Variants in CTNNA3 observed in about 807,000 individuals in gnomAD.
The protein encoded by CTNNA3 is catenin alpha-3.
CTNNA3 carries 76 observed loss-of-function variants against 95.7 expected under a neutral mutation model. The ratio of observed to expected loss-of-function variants is 0.79; its 90% CI spans 0.66 to 0.96. The LOEUF is 0.96. Among genes scored for constraint, CTNNA3 ranks in the 40% least tolerant of loss-of-function variants. The pLI is 0.00. For synonymous variants in CTNNA3, 431 were observed against 374.4 expected (o/e 1.15, Z -1.74); for missense variants, 1,191 against 1,089.8 (o/e 1.09, Z -1.31).
intron 10 of CTNNA3, among the ~76,000 whole-genome samples, chr10:66,586,571 C>G (rs908228118): frequency 6.6e-6 from 1 of 152,132 alleles, no homozygotes; most frequent in Non-Finnish European, 1.5e-5. Context: ...TAAGTCTGAA[C>G]CTGTATGGCA....
intron 10 of CTNNA3, among the ~76,000 whole-genome samples, chr10:66,529,385 G>T (rs1464720056): frequency 6.6e-6 from 1 of 150,600 alleles, no homozygotes; most frequent in Non-Finnish European, 1.5e-5. Context: ...ACCCGCCTTG[G>T]CCTCGCAAAG....
At chr10:66,304,464 G>T (rs1809798074) in intron 12 of CTNNA3, among the ~76,000 whole-genome samples, 1 of 152,000 alleles carries the variant, frequency 6.6e-6, no homozygotes, top group South Asian at 2.1e-4. Context: ...GTACATAACA[G>T]AAGAAAGAGA....
chr10:67,408,033 C>T lies in CTNNA3; in HGVS notation c.579+113809G>A, dbSNP rs185199761. On this transcript the variant is annotated intron_variant, in intron 5 of 17. Transcript: ENST00000433211. Reference sequence around the variant, plus strand: ...AAAATACCTAGGAATAGAGCTAACACGGAAGTGAAGGACCTCTTCAAGGAG... The same window carrying T: ...AAAATACCTAGGAATAGAGCTAACATGGAAGTGAAGGACCTCTTCAAGGAG... Among the ~76,000 whole-genome samples the T allele has an allele frequency of 9.8e-4, 148 of 151,542 alleles. 1 individual carries two copies. The highest frequency in any genetic ancestry group is 3.2e-3 in the African/African-American group (131 of 41,394).
intron 7 of CTNNA3, among the ~76,000 whole-genome samples, chr10:67,160,581 G>A (rs1403374296): frequency 6.6e-6 from 1 of 151,564 alleles, no homozygotes; most frequent in African/African-American, 2.4e-5. Context: ...GGACCACAGG[G>A]GTGTGCCACC....
intron 12 of CTNNA3, among the ~76,000 whole-genome samples, chr10:66,353,587 T>C (rs906950413): frequency 6.6e-6 from 1 of 152,064 alleles, no homozygotes; most frequent in Non-Finnish European, 1.5e-5. Flanking sequence ...GAAAAGAACA[T>C]GGAAGTAAAC....
At chr10:66,601,696 C>T (rs551014779) in intron 10 of CTNNA3, among the ~76,000 whole-genome samples, 65 of 151,792 alleles carry the variant, frequency 4.3e-4, no homozygotes, top group African/African-American at 1.5e-3. Flanking sequence ...CAGAATATTG[C>T]TAACAAACGC....
intron 1 of CTNNA3, among the ~76,000 whole-genome samples, chr10:67,746,480 T>C (rs1364227406): frequency 2.0e-5 from 3 of 151,540 alleles, no homozygotes; most frequent in South Asian, 2.1e-4. Flanking sequence ...GAATCCTGCA[T>C]CATTAACCAA....
intron 12 of CTNNA3, among the ~76,000 whole-genome samples, chr10:66,305,812 T>C (rs1354961070): frequency 6.6e-6 from 1 of 152,206 alleles, no homozygotes; most frequent in Non-Finnish European, 1.5e-5. Context: ...CTTGTTACAA[T>C]GGTGGACACA....
At chr10:66,221,197 T>G (rs1255913904) in intron 13 of CTNNA3, among the ~76,000 whole-genome samples, 3 of 152,180 alleles carry the variant, frequency 2.0e-5, no homozygotes, top group Admixed American at 2.0e-4. Context: ...ATTAAATAAT[T>G]ACACCAGCTC....
At position 67,477,007 on chromosome 10, in the gene CTNNA3, G is replaced by T; in HGVS notation, c.579+44835C>A. Among the ~76,000 whole-genome samples, 3 of 151,386 alleles carry T rather than the reference G, an allele frequency of 2.0e-5. No individual in the cohort carries two copies. The South Asian group carries it at 6.3e-4, about 32-fold the overall frequency. On this transcript the variant is annotated intron_variant, in intron 5 of 17. Transcript: ENST00000433211. ...GGGCCCTCTCTGTCCCATGCCCAGC[G>T]ATACCTCCAGGCAGTCAGAGCACCT... is the stretch of plus-strand genomic sequence containing the variant.
At chr10:67,705,574 A>G (rs1841073158) in intron 1 of CTNNA3, among the ~76,000 whole-genome samples, 1 of 145,386 alleles carries the variant, frequency 6.9e-6, no homozygotes, top group Non-Finnish European at 1.5e-5. Context: ...TGGGAATTGA[A>G]CAATGAGAAC....
intron 12 of CTNNA3, among the ~76,000 whole-genome samples, chr10:66,304,036 C>T (rs954976208): frequency 1.4e-4 from 22 of 151,940 alleles, no homozygotes; most frequent in African/African-American, 3.9e-4. Flanking sequence ...GAAATATATA[C>T]AACCCATAGT....
At chr10:66,564,152 A>G (rs1842636322) in intron 10 of CTNNA3, among the ~76,000 whole-genome samples, 2 of 152,154 alleles carry the variant, frequency 1.3e-5, no homozygotes, top group Admixed American at 1.3e-4. Flanking sequence ...TATAGGAATA[A>G]TCGATACAGT....
At chr10:66,318,424 A>G (rs182878869) in intron 12 of CTNNA3, among the ~76,000 whole-genome samples, 1 of 151,762 alleles carries the variant, frequency 6.6e-6, no homozygotes, top group African/African-American at 2.4e-5. Context: ...AGACAAGTGC[A>G]CCTATCTTTC....
At chr10:66,505,474 G>GA (rs938919768) in intron 11 of CTNNA3, among the ~76,000 whole-genome samples, 3 of 151,952 alleles carry the variant, frequency 2.0e-5, no homozygotes, top group African/African-American at 4.8e-5. Flanking sequence ...TGACTCAGGG[G>GA]AAAAAAATCT....
At chr10:66,329,116 A>C (rs957412144) in intron 12 of CTNNA3, among the ~76,000 whole-genome samples, 1 of 150,924 alleles carries the variant, frequency 6.6e-6, no homozygotes, top group Non-Finnish European at 1.5e-5. Flanking sequence ...ACACTCTGCT[A>C]ATTTTTGTAT....
chr10:66,250,676 T>C (rs1461403775), intron 13 of CTNNA3, among the ~76,000 whole-genome samples: 3 of 152,196 alleles, frequency 2.0e-5, no homozygotes, highest in Non-Finnish European at 4.4e-5. Flanking sequence ...GTGGTGTCTT[T>C]TGCTACCCAA....
intron 9 of CTNNA3, among the ~76,000 whole-genome samples, chr10:66,695,920 G>GGC (rs1554837133): frequency 1.4e-5 from 2 of 140,350 alleles, no homozygotes; most frequent in African/African-American, 5.2e-5. Context: ...GACGTAAGGG[G>GGC]GGGGGGCAAT....
intron 7 of CTNNA3, among the ~76,000 whole-genome samples, chr10:67,162,050 C>T (rs901380204): frequency 2.6e-5 from 4 of 152,064 alleles, no homozygotes; most frequent in East Asian, 1.9e-4. Context: ...CAAAGCTGAA[C>T]GGAAGAGTGG....
Sources: allele counts gnomAD v4.1 joint callset (sites outside exome capture counted in the v4.1 genomes callset), GRCh38; gene constraint gnomAD v4.1.1; transcripts MANE v1.5; gene names NCBI Gene and HGNC (gene_info 2026-07-23, HGNC 2026-07-21).